The following TET2 variants were observed in gnomAD, a reference collection of about 807,000 sequenced individuals.
TET2 encodes the protein tet methylcytosine dioxygenase 2.
A neutral mutation model predicts 142.9 loss-of-function variants in TET2; 299 were observed. The ratio of observed to expected loss-of-function variants is 2.09; its 90% CI spans 1.90 to 2.30. The LOEUF is 2.30. Ranked by LOEUF, TET2 falls within the 30% of genes most tolerant of loss-of-function variation. TET2 has a pLI of 0.00. For missense variants in TET2, 2,418 were observed against 2,378.0 expected (o/e 1.02, Z -0.35); for synonymous variants, 819 against 849.0 (o/e 0.96, Z 0.61).
intron 6 of TET2, among the ~76,000 whole-genome samples, chr4:105,258,252 G>A (rs990940164): frequency 6.6e-6 from 1 of 151,984 alleles, no homozygotes; most frequent in Non-Finnish European, 1.5e-5. Flanking sequence ...TTGCTTTTAT[G>A]GAGGATAAAA....
intron 8 of TET2, among the ~76,000 whole-genome samples, chr4:105,263,524 CAGG>C (rs1730546256): frequency 6.6e-6 from 1 of 152,110 alleles, no homozygotes; most frequent in South Asian, 2.1e-4. Flanking sequence ...CCAGTTTGGA[CAGG>C]TAGTTCTATT....
intron 2 of TET2, among the ~76,000 whole-genome samples, chr4:105,205,878 C>T (rs1272184669): frequency 6.6e-6 from 1 of 152,168 alleles, no homozygotes; most frequent in Non-Finnish European, 1.5e-5. Context: ...AGGTGATCCA[C>T]CTGCTTCAGC....
rs187175067 is a variant in TET2 at position 105,206,070 on chromosome 4, C to T, written c.-47+15565C>T. ...GTATTTCTCTTTTACTTGTCTTGGCCTCTAGTTCAGATTTATAGTTTGGTA... is the reference window on the plus strand; with the variant it reads ...GTATTTCTCTTTTACTTGTCTTGGCTTCTAGTTCAGATTTATAGTTTGGTA... On this transcript the variant is annotated intron_variant, in intron 2 of 10. Transcript: ENST00000380013. Among the ~76,000 whole-genome samples the T allele has an allele frequency of 2.1e-3, 316 of 152,274 alleles. 6 individuals are homozygous for T. The highest frequency in any genetic ancestry group is 0.014 in the Middle Eastern group (4 of 294).
intron 9 of TET2, among the ~76,000 whole-genome samples, chr4:105,271,342 A>T (rs1035713549): frequency 6.6e-6 from 1 of 152,170 alleles, no homozygotes; most frequent in Non-Finnish European, 1.5e-5. Flanking sequence ...TGAAAAGCAG[A>T]AGTAGTAAAT....
At chr4:105,148,083 CCTCA>C (rs1431678931) in intron 1 of TET2, among the ~76,000 whole-genome samples, 3 of 151,670 alleles carry the variant, frequency 2.0e-5, no homozygotes, top group South Asian at 2.1e-4. Flanking sequence ...CACACACACA[CCTCA>C]CTCGCATCTT....
chr4:105,163,854 A>ACTGAGAGAGAGAGAGAGTGT (rs377256181), intron 1 of TET2, among the ~76,000 whole-genome samples: 2 of 85,168 alleles, frequency 2.3e-5, no homozygotes, highest in Non-Finnish European at 4.8e-5. Flanking sequence ...AGAGAGAGAG[A>ACTGAGAGAGAGAGAGAGTGT]GTGTGTGTGT....
Position 105,259,609 on chromosome 4 carries a change from G to C in TET2, c.3804-10G>C. 1 of 1,550,170 alleles carries C rather than the reference G, an allele frequency of 6.5e-7. No individual in the cohort carries two copies. Among genetic ancestry groups the C allele is most frequent in the African/African-American group, 1.4e-5 (1 of 73,050 alleles). On this transcript the variant is annotated splice_polypyrimidine_tract_variant and intron_variant, in intron 6 of 10. Transcript: ENST00000380013. The stretch of plus-strand genomic sequence containing the variant: ...TCCATAGCAATGAATTTGGTCTTTT[G>C]ATTTTTCAGGAGAACTTGCGCCTGT...
intron 2 of TET2, among the ~76,000 whole-genome samples, chr4:105,228,014 G>A (rs1728285395): frequency 6.6e-6 from 1 of 151,944 alleles, no homozygotes; most frequent in Non-Finnish European, 1.5e-5. Flanking sequence ...TCTACAATGA[G>A]CAAAATGCAT....
chr4:105,264,845 C>T (rs893082693), intron 8 of TET2, among the ~76,000 whole-genome samples: 1 of 152,162 alleles, frequency 6.6e-6, no homozygotes, highest in African/African-American at 2.4e-5. Context: ...ATCTTTACCT[C>T]CTTTCCCCAA....
At position 105,277,121 on chromosome 4, in the gene TET2, T is replaced by C. The variant is rs1457522210; in HGVS notation, c.*602T>C. On this transcript the variant is annotated 3_prime_UTR_variant, in exon 11 of 11. Transcript: ENST00000380013. The stretch of plus-strand genomic sequence containing the variant: ...GTTTGGATGTTCTAAGAAATGGTGC[T>C]AAGAAAATGGTGTCTTTAATAGCTA... 1 of 232,018 alleles carries C rather than the reference T, an allele frequency of 4.3e-6. No individual in the cohort carries two copies. The highest frequency in any genetic ancestry group is 6.1e-5 in the East Asian group (1 of 16,332). 14.4% of individuals were successfully genotyped at this position (232,018 alleles called of 1,614,324 possible).
intron 6 of TET2, among the ~76,000 whole-genome samples, chr4:105,248,738 CCT>C (rs1729708737): frequency 2.6e-5 from 4 of 152,098 alleles, no homozygotes; most frequent in Non-Finnish European, 5.9e-5. Context: ...GCAAATGTCA[CCT>C]CTACCTAGTT....
chr4:105,244,427 G>A (rs1578693198), intron 6 of TET2, among the ~76,000 whole-genome samples: 1 of 152,058 alleles, frequency 6.6e-6, no homozygotes, highest in Non-Finnish European at 1.5e-5. Context: ...TATATTTAGT[G>A]CATCCAGTTG....
chr4:105,181,839 T>C (rs1725138865), intron 1 of TET2, among the ~76,000 whole-genome samples: 2 of 152,196 alleles, frequency 1.3e-5, no homozygotes, highest in African/African-American at 4.8e-5. Flanking sequence ...TCACTTATAT[T>C]ACCCTCCAAC....
chr4:105,187,978 A>G (rs941580637), intron 1 of TET2, among the ~76,000 whole-genome samples: 1 of 152,236 alleles, frequency 6.6e-6, no homozygotes. Context: ...TGGAACTACC[A>G]TAAGACCCAG....
chr4:105,263,004 G>C (rs1730518311), intron 8 of TET2, among the ~76,000 whole-genome samples: 2 of 151,308 alleles, frequency 1.3e-5, no homozygotes, highest in Non-Finnish European at 2.9e-5. Flanking sequence ...GCTCCATCCT[G>C]GGTGACAAAG....
At chr4:105,164,757 A>G (rs934218026) in intron 1 of TET2, among the ~76,000 whole-genome samples, 5 of 152,202 alleles carry the variant, frequency 3.3e-5, no homozygotes, top group African/African-American at 9.7e-5. Context: ...CTTTCTCAGT[A>G]TTGGGACCTG....
chr4:105,178,591 G>A (rs12647884), intron 1 of TET2, among the ~76,000 whole-genome samples: 4,911 of 152,244 alleles, frequency 0.032, 251 homozygotes, highest in East Asian at 0.19. Context: ...ATGCATCAAT[G>A]TAGGTTTATC....
intron 1 of TET2, chr4:105,171,466 C>A (rs1360028558): frequency 6.6e-6 from 1 of 152,064 alleles, no homozygotes; most frequent in Non-Finnish European, 1.5e-5. Context: ...AATATGTAAT[C>A]ATATAACCAA....
At chr4:105,172,238 C>A (rs1724512829) in intron 1 of TET2, among the ~76,000 whole-genome samples, 1 of 152,060 alleles carries the variant, frequency 6.6e-6, no homozygotes, top group Non-Finnish European at 1.5e-5. Flanking sequence ...ATTTTTGACT[C>A]CCCAAAAACT....
Sources: allele counts gnomAD v4.1 joint callset (sites outside exome capture counted in the v4.1 genomes callset), GRCh38; gene constraint gnomAD v4.1.1; transcripts MANE v1.5; gene names NCBI Gene and HGNC (gene_info 2026-07-23, HGNC 2026-07-21).